GDNF: variants seen among roughly 807,000 people sequenced by gnomAD.
GDNF encodes the protein glial cell line-derived neurotrophic factor.
In GDNF, 5 loss-of-function variants were observed where a neutral mutation model predicts 13.7. The ratio of observed to expected loss-of-function variants is 0.36; its 90% CI spans 0.19 to 0.77. GDNF has a LOEUF of 0.77. Among genes scored for constraint, GDNF ranks in the 30% least tolerant of loss-of-function variants. GDNF has a pLI of 0.51. For missense variants in GDNF, 246 were observed against 274.3 expected (o/e 0.90, Z 0.73); for synonymous variants, 122 against 112.5 (o/e 1.08, Z -0.53).
At chr5:37,829,933 G>C (rs1269001583) in intron 2 of GDNF, among the ~76,000 whole-genome samples, 1 of 152,150 alleles carries the variant, frequency 6.6e-6, no homozygotes, top group African/African-American at 2.4e-5. Flanking sequence ...GATTCCAAGA[G>C]ACCCATCCCA....
chr5:37,827,221 AC>A (rs1479687188), intron 2 of GDNF, among the ~76,000 whole-genome samples: 32 of 152,218 alleles, frequency 2.1e-4, no homozygotes, highest in Non-Finnish European at 3.7e-4. Flanking sequence ...AAAAAAAAAA[AC>A]AAAACATAAA....
chr5:37,833,754 T>C (rs1018743084), intron 2 of GDNF, among the ~76,000 whole-genome samples: 8 of 152,198 alleles, frequency 5.3e-5, no homozygotes, highest in Non-Finnish European at 8.8e-5. Flanking sequence ...TGGGGTTGTG[T>C]GAAATTTTCT....
chr5:37,835,721 C>T lies in GDNF; in HGVS notation c.-26-899G>A, dbSNP rs1234736819. The T allele has an allele frequency of 7.8e-6, 11 of 1,416,636 alleles. No homozygotes were observed. The African/African-American group carries it at 1.6e-4, about 20-fold the overall frequency. 87.8% of individuals were successfully genotyped at this position (1,416,636 alleles called of 1,614,324 possible). ...AAACCCTCTCTTGACTGGATTTTTG[C>T]ACCTTTGAGAGATTCTGGCCCTAAT... is the stretch of plus-strand genomic sequence containing the variant. On this transcript the variant is annotated intron_variant, in intron 1 of 2. Transcript: ENST00000326524.
chr5:37,835,290 C>T, intron 1 of GDNF: 1 of 448,742 alleles, frequency 2.2e-6, no homozygotes, highest in South Asian at 3.3e-5. Context: ...TCGGCCCAAG[C>T]AAGGACGGTG....
In GDNF at chr5:37,814,907, G is replaced by A. The variant is rs1173387856; in HGVS notation, c.*744C>T. Reference sequence around the variant, plus strand: ...AGAATGCTGGCGAAAACCACAACTCGTTTCCTGTTTCCAAGGACATAAAGG... The same window carrying A: ...AGAATGCTGGCGAAAACCACAACTCATTTCCTGTTTCCAAGGACATAAAGG... On this transcript the variant is annotated 3_prime_UTR_variant, in exon 3 of 3. Coordinates refer to ENST00000326524, the MANE Select transcript of GDNF (RefSeq NM_000514.4). The A allele has an allele frequency of 6.6e-6, 1 of 152,288 alleles. No homozygotes were observed. The highest frequency in any genetic ancestry group is 1.5e-5 in the Non-Finnish European group (1 of 68,142). 9.4% of individuals were successfully genotyped at this position (152,288 alleles called of 1,614,324 possible). A position where few individuals can be genotyped will look rare whatever the true frequency, so the allele number is the denominator to read the frequency against.
intron 1 of GDNF, among the ~76,000 whole-genome samples, chr5:37,836,992 G>A (rs1182486723): frequency 6.6e-6 from 1 of 152,176 alleles, no homozygotes; most frequent in Admixed American, 6.5e-5. Flanking sequence ...GCCAGCGCCC[G>A]GATCGAGCTC....
chr5:37,835,350 C>A, intron 1 of GDNF: 2 of 903,730 alleles, frequency 2.2e-6, no homozygotes, highest in Non-Finnish European at 3.1e-6. Flanking sequence ...CGGGTCCCAA[C>A]CGGGCTTCTG....
At chr5:37,818,674 T>G (rs1262005069) in intron 2 of GDNF, among the ~76,000 whole-genome samples, 1 of 152,152 alleles carries the variant, frequency 6.6e-6, no homozygotes, top group Non-Finnish European at 1.5e-5. Flanking sequence ...AACTATAGCT[T>G]AAACAGTCAA....
At position 37,839,139 on chromosome 5, in the gene GDNF, C is replaced by T. The variant is rs1750809738; in HGVS notation, c.-27+368G>A. ...CACGTCCAGAGAGGACACATTTCGA[C>T]GGCGGTGGGTTCGAAGATGACCCAA... On this transcript the variant is annotated intron_variant, in intron 1 of 2. Coordinates refer to ENST00000326524, the MANE Select transcript of GDNF (RefSeq NM_000514.4). This position sits in a 1 kb window ranked among gnomAD's most constrained non-coding sequence, Gnocchi z 5.5. 6.6e-6 allele frequency among the ~76,000 whole-genome samples: 1 copy of T among 152,182 alleles called. No homozygotes were observed. Among genetic ancestry groups the T allele is most frequent in the Non-Finnish European group, 1.5e-5 (1 of 68,036 alleles).
intron 2 of GDNF, among the ~76,000 whole-genome samples, chr5:37,830,565 TG>T (rs1303833179): frequency 6.6e-6 from 1 of 152,206 alleles, no homozygotes; most frequent in Non-Finnish European, 1.5e-5. Context: ...TCTGTTGTGC[TG>T]CTGAAATCCC....
At chr5:37,836,148 T>C (rs1251690528) in intron 1 of GDNF, among the ~76,000 whole-genome samples, 1 of 152,104 alleles carries the variant, frequency 6.6e-6, no homozygotes, top group African/African-American at 2.4e-5. Context: ...TGCAGTCGAT[T>C]ATCCTATCCC....
chr5:37,831,596 T>C (rs986177131), intron 2 of GDNF, among the ~76,000 whole-genome samples: 5 of 152,174 alleles, frequency 3.3e-5, no homozygotes, highest in African/African-American at 1.2e-4. Context: ...CCATATAAAG[T>C]ACATTTCAGT....
chr5:37,835,325 C>T (rs1750667754), intron 1 of GDNF: 3 of 604,364 alleles, frequency 5.0e-6, no homozygotes, highest in East Asian at 3.8e-5. Flanking sequence ...TAAAATCAAG[C>T]GCATTCCCCT....
intron 2 of GDNF, among the ~76,000 whole-genome samples, chr5:37,829,012 C>T (rs16903744): frequency 2.0e-5 from 3 of 152,232 alleles, no homozygotes; most frequent in Admixed American, 6.5e-5. Flanking sequence ...AGCAAGATCC[C>T]GCCTTGTAGT....
In GDNF at chr5:37,839,440, C is replaced by T; in HGVS notation, c.-27+67G>A. 1 of 153,332 alleles carries T rather than the reference C, an allele frequency of 6.5e-6. No individual in the cohort carries two copies. The highest frequency in any genetic ancestry group is 1.5e-5 in the Non-Finnish European group (1 of 68,894). 9.5% of individuals were successfully genotyped at this position (153,332 alleles called of 1,614,324 possible). On this transcript the variant is annotated intron_variant, in intron 1 of 2. Coordinates refer to ENST00000326524, the MANE Select transcript of GDNF (RefSeq NM_000514.4). This position sits in a 1 kb window ranked among gnomAD's most constrained non-coding sequence, Gnocchi z 5.5. Reference sequence around the variant, plus strand: ...CCCCTCTGACTAGGGCGCCCTTCAGCCGGCCGCACCCACCCGCGACGCAGG... The same window carrying T: ...CCCCTCTGACTAGGGCGCCCTTCAGTCGGCCGCACCCACCCGCGACGCAGG...
At chr5:37,827,425 A>G (rs1160263641) in intron 2 of GDNF, among the ~76,000 whole-genome samples, 1 of 152,260 alleles carries the variant, frequency 6.6e-6, no homozygotes, top group East Asian at 1.9e-4. Flanking sequence ...TGGTTCAGAA[A>G]AAAACGAGGC....
intron 1 of GDNF, among the ~76,000 whole-genome samples, chr5:37,836,368 C>A (rs952220190): frequency 1.3e-5 from 2 of 152,100 alleles, no homozygotes; most frequent in Admixed American, 1.3e-4. Context: ...CCCGGGGAAG[C>A]CTTTAATTCG....
intron 2 of GDNF, among the ~76,000 whole-genome samples, chr5:37,829,223 A>G (rs530066194): frequency 4.6e-5 from 7 of 152,292 alleles, no homozygotes; most frequent in Admixed American, 1.3e-4. Context: ...TCATGGTCAC[A>G]AATTTTCCCA....
intron 2 of GDNF, among the ~76,000 whole-genome samples, chr5:37,829,393 C>G (rs1262531480): frequency 3.3e-5 from 5 of 152,302 alleles, no homozygotes; most frequent in Middle Eastern, 3.4e-3. Context: ...CACATGCGTA[C>G]AGCTCACCTA....
Sources: gnomAD v4.1 joint callset for allele counts (sites outside exome capture counted in the v4.1 genomes callset) on GRCh38, gnomAD v4.1.1 for gene constraint, Gnocchi (gnomAD v3.1) non-coding constraint, MANE v1.5 for transcripts, NCBI Gene and HGNC (gene_info 2026-07-23, HGNC 2026-07-21) for gene names.